Variants in KIAA1328 observed in about 807,000 individuals in gnomAD.
The protein encoded by KIAA1328 is KIAA1328, also known as protein hinderin.
Under a neutral mutation model 68.1 loss-of-function variants are expected in KIAA1328, and 52 were observed. The observed-to-expected ratio is 0.76, with a 90% CI of 0.61 to 0.96. KIAA1328 has a LOEUF of 0.96. Among genes scored for constraint, KIAA1328 ranks in the 40% least tolerant of loss-of-function variants. The pLI, the probability that KIAA1328 is intolerant of heterozygous loss-of-function variation, is 0.00. For missense variants in KIAA1328, 641 were observed against 677.6 expected (o/e 0.95, Z 0.60); for synonymous variants, 232 against 239.4 (o/e 0.97, Z 0.28).
intron 7 of KIAA1328, among the ~76,000 whole-genome samples, chr18:37,132,537 T>A (rs1432123911): frequency 2.0e-5 from 3 of 152,234 alleles, no homozygotes; most frequent in African/African-American, 7.2e-5. Context: ...TTGGAACTCC[T>A]GGTAAATTAT....
At chr18:37,103,041 C>T (rs2057668966) in intron 7 of KIAA1328, among the ~76,000 whole-genome samples, 1 of 152,074 alleles carries the variant, frequency 6.6e-6, no homozygotes, top group South Asian at 2.1e-4. Context: ...GAGAAGAACA[C>T]AAATAAATGG....
chr18:36,894,683 A>C (rs188018241), intron 5 of KIAA1328, among the ~76,000 whole-genome samples: 25 of 152,094 alleles, frequency 1.6e-4, no homozygotes, highest in Admixed American at 1.6e-3. Flanking sequence ...GCATCACCAC[A>C]CCTGGCTAAT....
At chr18:37,182,595 C>G (rs2059718678) in intron 9 of KIAA1328, among the ~76,000 whole-genome samples, 1 of 152,056 alleles carries the variant, frequency 6.6e-6, no homozygotes, top group Non-Finnish European at 1.5e-5. Flanking sequence ...CAATCAGGAA[C>G]AAGCTAGGAT....
chr18:36,949,083 G>A (rs1305708189), intron 5 of KIAA1328, among the ~76,000 whole-genome samples: 1 of 152,088 alleles, frequency 6.6e-6, no homozygotes, highest in Admixed American at 6.5e-5. Flanking sequence ...CACTTGATAA[G>A]GAAGCTTCTT....
intron 6 of KIAA1328, among the ~76,000 whole-genome samples, chr18:37,047,591 C>T (rs1035219682): frequency 6.6e-6 from 1 of 152,156 alleles, no homozygotes; most frequent in Non-Finnish European, 1.5e-5. Context: ...TCCTACACCT[C>T]ACACCCTCAC....
intron 5 of KIAA1328, among the ~76,000 whole-genome samples, chr18:36,905,295 T>C (rs1187969717): frequency 6.6e-6 from 1 of 151,884 alleles, no homozygotes; most frequent in East Asian, 1.9e-4. Flanking sequence ...ATGTTTTTAG[T>C]AGAGATGAGT....
At chr18:37,098,426 A>C (rs2057484082) in intron 7 of KIAA1328, among the ~76,000 whole-genome samples, 1 of 152,186 alleles carries the variant, frequency 6.6e-6, no homozygotes, top group Non-Finnish European at 1.5e-5. Flanking sequence ...GATGAAGCCC[A>C]CTTGATCATG....
chr18:37,005,398 A>G (rs2053743401), intron 6 of KIAA1328, among the ~76,000 whole-genome samples: 1 of 150,894 alleles, frequency 6.6e-6, no homozygotes. Context: ...CCAGAGTGTC[A>G]TACCATCTTA....
chr18:37,127,512 C>T (rs915575122), intron 7 of KIAA1328, among the ~76,000 whole-genome samples: 9 of 151,936 alleles, frequency 5.9e-5, no homozygotes, highest in African/African-American at 1.9e-4. Flanking sequence ...AGTTCAAGAC[C>T]AACCTGGGCA....
intron 7 of KIAA1328, among the ~76,000 whole-genome samples, chr18:37,071,944 A>G (rs1034908567): frequency 6.6e-6 from 1 of 152,212 alleles, no homozygotes; most frequent in Non-Finnish European, 1.5e-5. Context: ...AACAACAGAA[A>G]TAGACTAAAC....
chr18:37,100,837 T>C (rs2057589692), intron 7 of KIAA1328, among the ~76,000 whole-genome samples: 1 of 152,064 alleles, frequency 6.6e-6, no homozygotes, highest in Non-Finnish European at 1.5e-5. Context: ...AGAGGAACGA[T>C]CAGGCAGCAA....
chr18:36,962,044 A>G (rs2051700269), intron 6 of KIAA1328, among the ~76,000 whole-genome samples: 1 of 152,244 alleles, frequency 6.6e-6, no homozygotes. Context: ...ATCAAGACCT[A>G]TCAATGTGCT....
chr18:36,870,978 T>A (rs72885294), intron 4 of KIAA1328, among the ~76,000 whole-genome samples: 20,317 of 152,268 alleles, frequency 0.13, 1,744 homozygotes, highest in Non-Finnish European at 0.18. Context: ...GAAATCGTCT[T>A]ACCCATTTCC....
intron 5 of KIAA1328, among the ~76,000 whole-genome samples, chr18:36,931,065 G>A (rs2050291479): frequency 6.6e-6 from 1 of 151,952 alleles, no homozygotes; most frequent in Non-Finnish European, 1.5e-5. Flanking sequence ...TTGTGCATAG[G>A]GCAGTCACTA....
At chr18:36,965,358 C>T (rs2051877073) in intron 6 of KIAA1328, among the ~76,000 whole-genome samples, 1 of 151,604 alleles carries the variant, frequency 6.6e-6, no homozygotes, top group Admixed American at 6.6e-5. Context: ...AAAGATGGGT[C>T]ATTGCTTACT....
At chr18:37,041,779 T>G (rs2055261178) in intron 6 of KIAA1328, among the ~76,000 whole-genome samples, 1 of 152,182 alleles carries the variant, frequency 6.6e-6, no homozygotes, top group Admixed American at 6.6e-5. Context: ...TATTACAGTC[T>G]TCTTAAGGTG....
intron 7 of KIAA1328, among the ~76,000 whole-genome samples, chr18:37,131,289 C>G (rs769089997): frequency 6.6e-6 from 1 of 152,124 alleles, no homozygotes; most frequent in African/African-American, 2.4e-5. Flanking sequence ...ACTGGAGATT[C>G]AAAGTAGTGT....
At chr18:37,020,860 G>A (rs892865157) in intron 6 of KIAA1328, among the ~76,000 whole-genome samples, 1 of 152,152 alleles carries the variant, frequency 6.6e-6, no homozygotes, top group Non-Finnish European at 1.5e-5. Context: ...AAGCTTCAGG[G>A]AAAAGTACTT....
At chr18:37,126,278 A>G (rs72894317) in intron 7 of KIAA1328, among the ~76,000 whole-genome samples, 20,827 of 152,186 alleles carry the variant, frequency 0.14, 1,765 homozygotes, top group Admixed American at 0.18. Flanking sequence ...TTCTAGTCCT[A>G]AACATTTCAC....
Sources: gnomAD v4.1 joint callset for allele counts (sites outside exome capture counted in the v4.1 genomes callset) on GRCh38, gnomAD v4.1.1 for gene constraint, MANE v1.5 for transcripts, NCBI Gene and HGNC (gene_info 2026-07-23, HGNC 2026-07-21) for gene names.